CACNA1C: variants seen among roughly 807,000 people sequenced by gnomAD.
The protein encoded by CACNA1C is calcium voltage-gated channel subunit alpha1 C.
In CACNA1C, 30 loss-of-function variants were observed where a neutral mutation model predicts 229.0. The observed-to-expected ratio is 0.13, with a 90% CI of 0.10 to 0.18. CACNA1C has a LOEUF of 0.18. Ranked by LOEUF, CACNA1C falls within the 10% of genes least tolerant of loss-of-function variation. CACNA1C has a pLI of 1.00. For synonymous variants in CACNA1C, 1,114 were observed against 1,132.5 expected, an observed-to-expected ratio of 0.98 and a Z score of 0.33; for missense variants, 1,658 against 2,845.0, an observed-to-expected ratio of 0.58 and a Z score of 9.49.
chr12:2,390,677 T>C (rs922505465), intron 3 of CACNA1C, among the ~76,000 whole-genome samples: 2 of 152,092 alleles, frequency 1.3e-5, no homozygotes, highest in Admixed American at 1.3e-4. Context: ...TCAGGATTTC[T>C]TGGGGAATAG....
chr12:2,591,807 C>T (rs572343648), intron 18 of CACNA1C, among the ~76,000 whole-genome samples: 43 of 152,296 alleles, frequency 2.8e-4, no homozygotes, highest in African/African-American at 9.1e-4. Flanking sequence ...CAGGGCCAAG[C>T]GCCTTCTGAA....
intron 37 of CACNA1C, chr12:2,668,361 A>G (rs183955543): frequency 6.6e-6 from 1 of 152,378 alleles, no homozygotes; most frequent in Admixed American, 6.5e-5. Context: ...GGCAAAGGCA[A>G]GATTCTCCCT....
At chr12:2,073,509 C>G (rs891577435) in intron 1 of CACNA1C, among the ~76,000 whole-genome samples, 3 of 152,178 alleles carry the variant, frequency 2.0e-5, no homozygotes, top group African/African-American at 7.2e-5. Flanking sequence ...TGGGCTGGCC[C>G]TCCAGGCCAA....
chr12:2,396,059 G>A (rs1299026965), intron 3 of CACNA1C, among the ~76,000 whole-genome samples: 2 of 152,146 alleles, frequency 1.3e-5, no homozygotes, highest in African/African-American at 4.8e-5. Flanking sequence ...ACCTCAGCAG[G>A]GGCTGTCCCT....
At chr12:2,056,334 G>T (rs1241564769) in intron 1 of CACNA1C, among the ~76,000 whole-genome samples, 1 of 152,030 alleles carries the variant, frequency 6.6e-6, no homozygotes, top group Non-Finnish European at 1.5e-5. Context: ...GGCTGGGGTG[G>T]CACACTCAAG....
At position 2,287,322 on chromosome 12, in the gene CACNA1C, G is replaced by A. The variant is rs1406071022; in HGVS notation, c.478-161654G>A. 1.3e-5 allele frequency among the ~76,000 whole-genome samples: 2 copies of A among 152,230 alleles called. No individual in the cohort carries two copies. The highest frequency in any genetic ancestry group is 3.8e-4 in the East Asian group (2 of 5,196). The stretch of plus-strand genomic sequence containing the variant: ...ATTGTGATTGCGACCCGTGCCTCAT[G>A]GAGTGTCGCTGGATACGCGATCAGT... On this transcript the variant is annotated intron_variant, in intron 3 of 46. Coordinates refer to ENST00000399655, the MANE Select transcript of CACNA1C (RefSeq NM_000719.7). This position sits in a 1 kb window ranked among gnomAD's most constrained non-coding sequence, Gnocchi z 4.6.
chr12:2,105,455 G>A (rs1412594054), intron 1 of CACNA1C, among the ~76,000 whole-genome samples: 1 of 151,970 alleles, frequency 6.6e-6, no homozygotes. Context: ...TAGCAGGATG[G>A]GGGAGAGGAG....
At position 2,152,186 on chromosome 12, in the gene CACNA1C, G is replaced by T. The variant is rs1331806778; in HGVS notation, c.477+31756G>T. ...TGTAGGGATTGTTCATACAAAAGAG[G>T]GCAAAGATGCCACTTGTGACAGAAA... On this transcript the variant is annotated intron_variant, in intron 3 of 46. Transcript: ENST00000399655. The surrounding 1 kb of genome is among the most constrained non-coding windows in gnomAD (Gnocchi z 4.2). 6.6e-6 allele frequency among the ~76,000 whole-genome samples: 1 copy of T among 152,198 alleles called. No homozygotes were observed. Among genetic ancestry groups the T allele is most frequent in the Non-Finnish European group, 1.5e-5 (1 of 68,038 alleles).
intron 1 of CACNA1C, among the ~76,000 whole-genome samples, chr12:2,007,940 A>G (rs1278200934): frequency 6.6e-6 from 1 of 152,146 alleles, no homozygotes; most frequent in African/African-American, 2.4e-5. Context: ...ACTACGTTAC[A>G]TATACATTTT....
intron 9 of CACNA1C, among the ~76,000 whole-genome samples, chr12:2,534,458 T>C (rs971042436): frequency 1.1e-4 from 16 of 152,170 alleles, no homozygotes; most frequent in Non-Finnish European, 1.6e-4. Context: ...TTCAAGCCCC[T>C]CTCTCTCTGT....
rs187648762 is a variant in CACNA1C at position 2,044,322 on chromosome 12, G to C, written c.140-70902G>C. Among the ~76,000 whole-genome samples, 142 of 152,262 alleles carry C rather than the reference G, an allele frequency of 9.3e-4. 1 individual carries two copies. The highest frequency in any genetic ancestry group is 1.0e-3 in the South Asian group (5 of 4,816). On this transcript the variant is annotated intron_variant, in intron 1 of 46. Coordinates refer to the CACNA1C transcript ENST00000682462. The stretch of plus-strand genomic sequence containing the variant: ...TCTGCCCAGCTCTTGTTTCCACCAG[G>C]CTCCACTTGGCCACTAAGTGGAAGT...
chr12:2,280,507 T>A, intron 3 of CACNA1C, among the ~76,000 whole-genome samples: 1 of 70,182 alleles, frequency 1.4e-5, no homozygotes, highest in Non-Finnish European at 3.2e-5. Flanking sequence ...TGCTTCGGTT[T>A]AACCTCTTGA....
At chr12:2,612,406 C>CTA in intron 29 of CACNA1C, 1 of 171,658 alleles carries the variant, frequency 5.8e-6, no homozygotes, top group Admixed American at 5.9e-5. Flanking sequence ...CCCCCCAGAT[C>CTA]CACTCAGGCC....
At chr12:2,614,777 A>T (rs1227735842) in intron 29 of CACNA1C, 1 of 152,230 alleles carries the variant, frequency 6.6e-6, no homozygotes, top group Non-Finnish European at 1.5e-5. Context: ...CGTCTCTGCA[A>T]CTGGCTGGTT....
chr12:2,399,967 A>C (rs576624553), intron 3 of CACNA1C, among the ~76,000 whole-genome samples: 1 of 152,282 alleles, frequency 6.6e-6, no homozygotes, highest in African/African-American at 2.4e-5. Context: ...CCCCCTTGCA[A>C]GGTTTTTAGG....
At chr12:2,293,791 T>A (rs1319498956) in intron 3 of CACNA1C, among the ~76,000 whole-genome samples, 1 of 152,228 alleles carries the variant, frequency 6.6e-6, no homozygotes, top group Non-Finnish European at 1.5e-5. Context: ...TCATTTTTAT[T>A]TGTATCCCTA....
rs182189632 is a variant in CACNA1C at position 2,142,708 on chromosome 12, G to A, written c.477+22278G>A. Among the ~76,000 whole-genome samples the A allele has an allele frequency of 4.0e-4, 61 of 151,214 alleles. 6 individuals carry two copies. The highest frequency in any genetic ancestry group is 7.3e-4 in the Non-Finnish European group (49 of 67,566). On this transcript the variant is annotated intron_variant, in intron 3 of 46. Transcript: ENST00000399655. ...ACCAAGGATCCTGATCCTTGATATC[G>A]ACGATCCTGGCCTAGGCTAATGTGG...
chr12:2,464,555 C>T (rs2099537164), intron 5 of CACNA1C, among the ~76,000 whole-genome samples: 3 of 152,228 alleles, frequency 2.0e-5, no homozygotes, highest in Non-Finnish European at 4.4e-5. Flanking sequence ...TCCTCATCGT[C>T]CCAGACTTCC....
intron 8 of CACNA1C, among the ~76,000 whole-genome samples, chr12:2,506,268 T>A (rs1390330822): frequency 1.3e-5 from 2 of 152,190 alleles, no homozygotes; most frequent in Non-Finnish European, 2.9e-5. Context: ...CAGTTTTATG[T>A]TCAAACACAA....
Sources: gnomAD v4.1 joint callset for allele counts (sites outside exome capture counted in the v4.1 genomes callset) on GRCh38, gnomAD v4.1.1 for gene constraint, Gnocchi (gnomAD v3.1) non-coding constraint, MANE v1.5 for transcripts, NCBI Gene and HGNC (gene_info 2026-07-23, HGNC 2026-07-21) for gene names.